The following BCAS3 variants were observed in gnomAD, a reference collection of about 807,000 sequenced individuals.
BCAS3 encodes the protein BCAS4/BCAS3 fusion.
In BCAS3, 53 loss-of-function variants were observed where a neutral mutation model predicts 116.1. That is an observed-to-expected ratio of 0.46 (90% CI 0.37 to 0.57). BCAS3 has a LOEUF of 0.57. BCAS3 is among the 20% of genes least tolerant of loss of function. The pLI is 0.00. For synonymous variants in BCAS3, 391 were observed against 408.2 expected, an observed-to-expected ratio of 0.96 and a Z score of 0.51; for missense variants, 917 against 1,165.4, an observed-to-expected ratio of 0.79 and a Z score of 3.10.
chr17:60,831,634 A>G (rs976425887), intron 7 of BCAS3, among the ~76,000 whole-genome samples: 1 of 152,150 alleles, frequency 6.6e-6, no homozygotes, highest in Admixed American at 6.5e-5. Context: ...GATGACTGGC[A>G]TGTTAATTAG....
At chr17:60,975,017 C>T (rs1267702299) in intron 14 of BCAS3, among the ~76,000 whole-genome samples, 4 of 143,336 alleles carry the variant, frequency 2.8e-5, no homozygotes, top group Admixed American at 7.0e-5. Context: ...TTTTTTGAGA[C>T]GGAGTCTCGC....
chr17:61,342,263 G>T (rs1297913043), intron 22 of BCAS3, among the ~76,000 whole-genome samples: 1 of 152,218 alleles, frequency 6.6e-6, no homozygotes, highest in African/African-American at 2.4e-5. Flanking sequence ...TGAAGGGCTT[G>T]TTCTGCTCCT....
At chr17:60,802,283 C>CAAA (rs1174016996) in intron 6 of BCAS3, among the ~76,000 whole-genome samples, 8,817 of 107,460 alleles carry the variant, frequency 0.082, 350 homozygotes, top group Non-Finnish European at 0.1. Context: ...GACTCTGTCT[C>CAAA]AAAAAAAAAA....
At chr17:60,940,561 C>G (rs1221618613) in intron 13 of BCAS3, among the ~76,000 whole-genome samples, 1 of 152,152 alleles carries the variant, frequency 6.6e-6, no homozygotes, top group African/African-American at 2.4e-5. Context: ...TCTTTCAGTA[C>G]TGGGATTCTG....
At chr17:61,240,531 G>T (rs1046812898) in intron 22 of BCAS3, among the ~76,000 whole-genome samples, 2 of 152,178 alleles carry the variant, frequency 1.3e-5, no homozygotes, top group East Asian at 3.8e-4. Context: ...GCGCACGCCT[G>T]TAATCCCAGC....
rs1262812390 is a variant in BCAS3 at position 61,279,549 on chromosome 17, G to C, written c.2426-88778G>C. Among the ~76,000 whole-genome samples, 1 of 152,174 alleles carries C rather than the reference G, an allele frequency of 6.6e-6. No homozygotes were observed. Among genetic ancestry groups the C allele is most frequent in the East Asian group, 1.9e-4 (1 of 5,176 alleles). On this transcript the variant is annotated intron_variant, in intron 22 of 23. Transcript: ENST00000407086. This position sits in a 1 kb window ranked among gnomAD's most constrained non-coding sequence, Gnocchi z 4.4. ...AACTTTCCCTTGGGGCCTCAGCAGA[G>C]GATATTTTTAGAACAGCTGTGGGTC... is the stretch of plus-strand genomic sequence containing the variant.
Position 60,975,634 on chromosome 17 carries a change from T to C in BCAS3, c.1222-14337T>C, listed in dbSNP as rs191684974. Among the ~76,000 whole-genome samples the C allele has an allele frequency of 6.0e-4, 91 of 152,306 alleles. 1 individual carries two copies. In the East Asian group the frequency reaches 8.7e-3, roughly 15 times the overall value. On this transcript the variant is annotated intron_variant, in intron 14 of 23. Transcript: ENST00000407086. ...TTCAGTTATCCATTGATCACTACCA[T>C]TCAATTCAAGAACATTTTCAGCACC...
chr17:60,814,308 CGCGCGT>C (rs1862555760), intron 7 of BCAS3, among the ~76,000 whole-genome samples: 2 of 124,122 alleles, frequency 1.6e-5, no homozygotes, highest in African/African-American at 8.1e-5. Flanking sequence ...TGTGTGTGTG[CGCGCGT>C]GCCCATTGCA....
At chr17:60,974,063 G>A (rs1014521304) in intron 14 of BCAS3, among the ~76,000 whole-genome samples, 4 of 152,132 alleles carry the variant, frequency 2.6e-5, no homozygotes, top group African/African-American at 9.7e-5. Flanking sequence ...AATAACTGCT[G>A]AATCATAATT....
rs867000439 is a variant in BCAS3, at chr17:61,104,479, A to C, written c.2425+19915A>C. ...TGGCACATAGGGCAAATGCCTTGGA[A>C]CATCAGTAATTACTATTTGAGGCAA... On this transcript the variant is annotated intron_variant, in intron 22 of 23. Transcript: ENST00000407086. This position sits in a 1 kb window ranked among gnomAD's most constrained non-coding sequence, Gnocchi z 4.1. Among the ~76,000 whole-genome samples the C allele has an allele frequency of 6.6e-6, 1 of 152,320 alleles. No homozygotes were observed. Among genetic ancestry groups the C allele is most frequent in the Middle Eastern group, 3.4e-3 (1 of 294 alleles).
intron 22 of BCAS3, among the ~76,000 whole-genome samples, chr17:61,116,805 A>G (rs1485859342): frequency 6.6e-6 from 1 of 152,180 alleles, no homozygotes; most frequent in African/African-American, 2.4e-5. Flanking sequence ...AGAAAAAAAT[A>G]TTGTGTTACT....
chr17:60,909,852 A>T (rs1187974890), intron 11 of BCAS3, among the ~76,000 whole-genome samples: 1 of 152,198 alleles, frequency 6.6e-6, no homozygotes, highest in Non-Finnish European at 1.5e-5. Flanking sequence ...ATCTTAAGTT[A>T]TCTTTAATTG....
chr17:60,777,230 T>C (rs527464258), intron 6 of BCAS3, among the ~76,000 whole-genome samples: 1 of 152,154 alleles, frequency 6.6e-6, no homozygotes, highest in Non-Finnish European at 1.5e-5. Context: ...ATTCTCTTCC[T>C]CTACTACTAT....
chr17:60,709,276 T>A lies in BCAS3; in HGVS notation c.272T>A (p.Leu91Ter). Residue 91 changes from leucine to a stop codon, truncating the protein, a stop_gained, in exon 5 of 24, where the codon TTG becomes TAG. Coordinates refer to ENST00000407086, the MANE Select transcript of BCAS3 (RefSeq NM_017679.5). LOFTEE classifies it high-confidence loss of function. ...CATAGTACTGGGAATGAACCGCCTTTGTTGATTATGATTGGCTACAGTGAT... is the reference window on the plus strand; with the variant it reads ...CATAGTACTGGGAATGAACCGCCTTAGTTGATTATGATTGGCTACAGTGAT... The part of the protein sequence containing the change: ...EIHSTGNEPP[L>*]LIMIGYSDGM... The A allele has an allele frequency of 6.2e-7, 1 of 1,603,486 alleles. No homozygotes were observed. The highest frequency in any genetic ancestry group is 8.5e-7 in the Non-Finnish European group (1 of 1,170,218).
Position 60,854,945 on chromosome 17 carries a change from T to A in BCAS3, c.477-13631T>A, listed in dbSNP as rs118019616. Among the ~76,000 whole-genome samples the A allele has an allele frequency of 1.8e-3, 274 of 148,930 alleles. 1 individual carries two copies. Among genetic ancestry groups the A allele is most frequent in the Admixed American group, 2.9e-3 (43 of 14,990 alleles). On this transcript the variant is annotated intron_variant, in intron 7 of 23. Transcript: ENST00000407086. ...TCTTATTTTTCTTATTTATTTTCAG[T>A]GAGGTTTTTTTTTTTTTTTTTTTTT...
intron 16 of BCAS3, among the ~76,000 whole-genome samples, chr17:61,025,492 A>T (rs560614260): frequency 1.3e-5 from 2 of 152,240 alleles, no homozygotes; most frequent in East Asian, 3.9e-4. Context: ...AGTAACATTT[A>T]TTACAGATAA....
At position 60,958,659 on chromosome 17, in the gene BCAS3, C is replaced by T. The variant is rs1290547919; in HGVS notation, c.1221+11307C>T. Among the ~76,000 whole-genome samples the T allele has an allele frequency of 2.6e-5, 4 of 152,314 alleles. No individual in the cohort carries two copies. The East Asian group carries it at 7.7e-4, about 29-fold the overall frequency. ...CTCGATGTAATCTGCATCAACATCC[C>T]AGCAGGGTTTTCTTTTGGTTAAACA... On this transcript the variant is annotated intron_variant, in intron 14 of 23. Transcript: ENST00000407086.
intron 22 of BCAS3, among the ~76,000 whole-genome samples, chr17:61,266,330 A>C (rs1358725015): frequency 6.6e-6 from 1 of 152,218 alleles, no homozygotes; most frequent in Non-Finnish European, 1.5e-5. Context: ...CACACCATCC[A>C]CACACATGAT....
chr17:60,932,786 T>C (rs1167283341), intron 13 of BCAS3, among the ~76,000 whole-genome samples: 1 of 147,774 alleles, frequency 6.8e-6, no homozygotes, highest in Admixed American at 6.8e-5. Flanking sequence ...TCCATCTCTA[T>C]ATATTGGGAG....
Sources: allele counts gnomAD v4.1 joint callset (sites outside exome capture counted in the v4.1 genomes callset), GRCh38; gene constraint gnomAD v4.1.1; non-coding constraint Gnocchi (gnomAD v3.1); transcripts MANE v1.5; gene names NCBI Gene and HGNC (gene_info 2026-07-23, HGNC 2026-07-21).